Variants in DLG2 observed in about 807,000 individuals in gnomAD.
The protein encoded by DLG2 is disks large homolog 2.
In DLG2, 45 loss-of-function variants were observed where a neutral mutation model predicts 132.5. The observed-to-expected ratio is 0.34, with a 90% CI of 0.27 to 0.44. The LOEUF (loss-of-function observed/expected upper bound fraction) is 0.44, where lower values mean the gene tolerates loss of function less well. DLG2 is among the 20% of genes least tolerant of loss of function. The pLI, the probability that DLG2 is intolerant of heterozygous loss-of-function variation, is 1.00. For missense variants in DLG2, 1,045 were observed against 1,196.9 expected (o/e 0.87, Z 1.87); for synonymous variants, 424 against 419.6 (o/e 1.01, Z -0.13).
intron 6 of DLG2, among the ~76,000 whole-genome samples, chr11:84,966,632 A>G (rs1591960484): frequency 6.6e-6 from 1 of 152,114 alleles, no homozygotes; most frequent in Admixed American, 6.6e-5. Context: ...TATTTTTAGA[A>G]AGGCAACTTT....
chr11:85,044,594 G>T (rs1328636155), intron 6 of DLG2, among the ~76,000 whole-genome samples: 1 of 152,060 alleles, frequency 6.6e-6, no homozygotes, highest in African/African-American at 2.4e-5. Flanking sequence ...AACTGTTAAT[G>T]AGTAGTTACT....
Position 84,372,847 on chromosome 11 carries a change from C to T in DLG2, c.520-121556G>A, listed in dbSNP as rs1312022182. On this transcript the variant is annotated intron_variant, in intron 7 of 27. Coordinates refer to ENST00000376104, the MANE Select transcript of DLG2 (RefSeq NM_001142699.3). ...ATTCCCAAGATTTAGTCCACTAGTT[C>T]CCATCTAAGTTTGTGATTCAGTAGC... is the stretch of plus-strand genomic sequence containing the variant. 2.0e-5 allele frequency among the ~76,000 whole-genome samples: 3 copies of T among 152,058 alleles called. No individual in the cohort carries two copies. In the South Asian group the frequency reaches 6.2e-4, roughly 31 times the overall value.
chr11:83,793,691 C>T (rs954161422), intron 17 of DLG2, among the ~76,000 whole-genome samples: 1 of 152,178 alleles, frequency 6.6e-6, no homozygotes. Context: ...TGAACCTTAG[C>T]TTCCTTTTCT....
rs118034038 is a variant in DLG2 at position 83,769,656 on chromosome 11, C to T, written c.1825+17034G>A. On this transcript the variant is annotated intron_variant, in intron 18 of 27. Transcript: ENST00000376104. Reference sequence around the variant, plus strand: ...TCAGCTCACTGCAACCTTCTCTTTCCGGGGTCAAACTATTCTCCTGCCTTA... The same window carrying T: ...TCAGCTCACTGCAACCTTCTCTTTCTGGGGTCAAACTATTCTCCTGCCTTA... Among the ~76,000 whole-genome samples the T allele has an allele frequency of 6.8e-3, 1,036 of 151,430 alleles. 7 individuals carry two copies. The highest frequency in any genetic ancestry group is 0.018 in the East Asian group (93 of 5,146).
At chr11:83,756,606 A>C (rs2093657699) in intron 18 of DLG2, among the ~76,000 whole-genome samples, 1 of 151,458 alleles carries the variant, frequency 6.6e-6, no homozygotes. Flanking sequence ...TGAAAGAAGG[A>C]GATAATAACC....
chr11:84,166,873 T>C (rs1328730414), intron 8 of DLG2: 1 of 530,464 alleles, frequency 1.9e-6, no homozygotes, highest in Non-Finnish European at 3.9e-6. Context: ...CGACATATGA[T>C]TTTCAATTCC....
At chr11:84,831,887 C>T (rs2079098508) in intron 6 of DLG2, among the ~76,000 whole-genome samples, 1 of 151,678 alleles carries the variant, frequency 6.6e-6, no homozygotes, top group Non-Finnish European at 1.5e-5. Context: ...ACGACCTGCT[C>T]TCAGAGGGCT....
intron 11 of DLG2, among the ~76,000 whole-genome samples, chr11:84,038,042 G>C (rs1032161155): frequency 2.0e-5 from 3 of 151,892 alleles, no homozygotes; most frequent in Non-Finnish European, 2.9e-5. Flanking sequence ...TGTCATGGCG[G>C]TTTGTGGTAG....
chr11:84,367,182 A>C (rs770029086), intron 7 of DLG2, among the ~76,000 whole-genome samples: 2 of 152,188 alleles, frequency 1.3e-5, no homozygotes, highest in African/African-American at 4.8e-5. Flanking sequence ...GCTCAACTAC[A>C]TGGAAACTAA....
At chr11:85,183,575 G>A (rs1333669645) in intron 4 of DLG2, among the ~76,000 whole-genome samples, 1 of 151,834 alleles carries the variant, frequency 6.6e-6, no homozygotes, top group Admixed American at 6.6e-5. Context: ...TCTTGGCTGT[G>A]GTTGGGTCCA....
chr11:83,985,981 G>A (rs577761828), intron 11 of DLG2, among the ~76,000 whole-genome samples: 2 of 151,786 alleles, frequency 1.3e-5, no homozygotes, highest in Non-Finnish European at 2.9e-5. Context: ...CAGTGTAAAA[G>A]CATTCCTTTT....
chr11:84,373,258 A>AAC (rs2098714513), intron 7 of DLG2, among the ~76,000 whole-genome samples: 1 of 99,136 alleles, frequency 1.0e-5, no homozygotes, highest in Non-Finnish European at 2.3e-5. Flanking sequence ...TCAAAAAAAA[A>AAC]AAAAAACAAA....
rs551026984 is a variant in DLG2, at chr11:85,160,844, C to T, written c.187-6193G>A. 3.1e-4 allele frequency among the ~76,000 whole-genome samples: 47 copies of T among 151,628 alleles called. No individual in the cohort carries two copies. The South Asian group carries it at 9.3e-3, about 30-fold the overall frequency. ...CTGCACAATTATGCAGGCACCATAC[C>T]CCTGCATACTACAGCTGCAGCACTA... On this transcript the variant is annotated intron_variant, in intron 4 of 27. Transcript: ENST00000376104.
At chr11:85,463,835 T>A (rs2092693686) in intron 3 of DLG2, among the ~76,000 whole-genome samples, 2 of 151,672 alleles carry the variant, frequency 1.3e-5, no homozygotes, top group African/African-American at 4.8e-5. Context: ...GAGAACTGTG[T>A]CAAGGACTGA....
At chr11:85,413,413 C>T (rs989532036) in intron 3 of DLG2, among the ~76,000 whole-genome samples, 3 of 151,770 alleles carry the variant, frequency 2.0e-5, no homozygotes, top group African/African-American at 7.3e-5. Context: ...TTTAATTAAG[C>T]CCCAGCTATT....
At chr11:84,128,251 A>G (rs1010785937) in intron 9 of DLG2, among the ~76,000 whole-genome samples, 3 of 152,162 alleles carry the variant, frequency 2.0e-5, no homozygotes, top group African/African-American at 7.2e-5. Flanking sequence ...TAACCAATAC[A>G]CTTAGAAATT....
chr11:84,167,091 A>AT (rs1433738102), intron 8 of DLG2: 3 of 497,786 alleles, frequency 6.0e-6, no homozygotes, highest in African/African-American at 4.0e-5. Context: ...GAGGATTGAC[A>AT]TTTTCATAGA....
At chr11:85,209,443 G>GTTTTTTTT (rs1171176251) in intron 4 of DLG2, among the ~76,000 whole-genome samples, 1 of 25,956 alleles carries the variant, frequency 3.9e-5, no homozygotes, top group African/African-American at 1.0e-4. Context: ...AAAGAAATCA[G>GTTTTTTTT]TCTTTTTTTT....
intron 11 of DLG2, among the ~76,000 whole-genome samples, chr11:84,032,600 A>G (rs1035042581): frequency 7.2e-5 from 11 of 152,224 alleles, no homozygotes; most frequent in African/African-American, 2.7e-4. Flanking sequence ...GAGAAGTTGC[A>G]GCAAGTTATC....
Sources: allele counts gnomAD v4.1 joint callset (sites outside exome capture counted in the v4.1 genomes callset), GRCh38; gene constraint gnomAD v4.1.1; transcripts MANE v1.5; gene names NCBI Gene and HGNC (gene_info 2026-07-23, HGNC 2026-07-21).